Variants in ARHGAP26 observed in about 807,000 individuals in gnomAD.
The protein encoded by ARHGAP26 is Rho GTPase activating protein 26.
In ARHGAP26, 38 loss-of-function variants were observed where a neutral mutation model predicts 104.8. That is an observed-to-expected ratio of 0.36 (90% CI 0.28 to 0.48). ARHGAP26 has a LOEUF of 0.48. ARHGAP26 is among the 20% of genes least tolerant of loss of function. The probability of loss-of-function intolerance (pLI) is 0.99; values close to 1 mark genes in which losing one functional copy is unlikely to be tolerated. For synonymous variants in ARHGAP26, 341 were observed against 340.0 expected (o/e 1.00, Z -0.03); for missense variants, 704 against 947.9 (o/e 0.74, Z 3.38).
intron 11 of ARHGAP26, among the ~76,000 whole-genome samples, chr5:142,980,967 G>A (rs1200132225): frequency 6.6e-6 from 1 of 152,114 alleles, no homozygotes; most frequent in Admixed American, 6.5e-5. Flanking sequence ...CATTGTCGTT[G>A]TAGTGTCACA....
intron 11 of ARHGAP26, among the ~76,000 whole-genome samples, chr5:143,006,360 C>T (rs1777972505): frequency 7.3e-6 from 1 of 136,248 alleles, no homozygotes; most frequent in Non-Finnish European, 1.6e-5. Flanking sequence ...CTCTCTTATG[C>T]TCTCTATTTA....
At chr5:143,043,305 C>A (rs1598769959) in intron 14 of ARHGAP26, among the ~76,000 whole-genome samples, 1 of 152,214 alleles carries the variant, frequency 6.6e-6, no homozygotes, top group Middle Eastern at 3.4e-3. Flanking sequence ...CAATACAGAA[C>A]CTTTTGGGAT....
intron 1 of ARHGAP26, among the ~76,000 whole-genome samples, chr5:142,799,361 G>A (rs1464990816): frequency 6.6e-6 from 1 of 152,184 alleles, no homozygotes; most frequent in East Asian, 1.9e-4. Context: ...TTTGCGTGGT[G>A]CCTGGCACAC....
At chr5:143,051,530 G>A (rs1785026971) in intron 14 of ARHGAP26, among the ~76,000 whole-genome samples, 1 of 152,224 alleles carries the variant, frequency 6.6e-6, no homozygotes, top group African/African-American at 2.4e-5. Flanking sequence ...GATGCCATCA[G>A]GAAGCTTTTG....
intron 17 of ARHGAP26, among the ~76,000 whole-genome samples, chr5:143,081,122 A>G (rs1789751983): frequency 6.6e-6 from 1 of 152,018 alleles, no homozygotes; most frequent in Admixed American, 6.6e-5. Flanking sequence ...TGGGGTAAAG[A>G]CACCAAAAGT....
At chr5:143,208,334 G>A (rs1245456359) in intron 21 of ARHGAP26, among the ~76,000 whole-genome samples, 1 of 152,214 alleles carries the variant, frequency 6.6e-6, no homozygotes, top group African/African-American at 2.4e-5. Flanking sequence ...ATAAGCATCA[G>A]AAGCGTTTTG....
rs993676953 is a variant in ARHGAP26, at chr5:143,228,451, A to G, written c.*6005A>G. 4.6e-6 allele frequency: 1 copy of G among 219,638 alleles called. No individual in the cohort carries two copies. Among genetic ancestry groups the G allele is most frequent in the Non-Finnish European group, 9.1e-6 (1 of 109,472 alleles). The allele number at this position is 219,638 out of a possible 1,614,324, so 13.6% of individuals were successfully genotyped here. Reference sequence around the variant, plus strand: ...ATTTTAAAACTGTTCATATTTATCAAACAATTACTGTCTACAGCTACATTT... The same window carrying G: ...ATTTTAAAACTGTTCATATTTATCAGACAATTACTGTCTACAGCTACATTT... On this transcript the variant is annotated 3_prime_UTR_variant, in exon 23 of 23. Transcript: ENST00000645722.
intron 9 of ARHGAP26, among the ~76,000 whole-genome samples, chr5:142,912,095 G>C (rs1409502589): frequency 1.3e-5 from 2 of 151,898 alleles, no homozygotes; most frequent in Non-Finnish European, 2.9e-5. Flanking sequence ...AGGAGAAACA[G>C]AAACCCTAAC....
chr5:142,933,718 A>C (rs982142769), intron 11 of ARHGAP26, among the ~76,000 whole-genome samples: 4 of 152,194 alleles, frequency 2.6e-5, no homozygotes, highest in African/African-American at 9.7e-5. Flanking sequence ...CTACCTGCAA[A>C]GCAGGCTGGG....
At position 142,872,470 on chromosome 5, in the gene ARHGAP26, G is replaced by A. The variant is rs531256106; in HGVS notation, c.155-930G>A. ...TGTATGAGGGTAATTTGAATGATTA[G>A]CCTAATCTGCAGGAAGACTGCACAT... On this transcript the variant is annotated intron_variant, in intron 1 of 22. Transcript: ENST00000645722. 6.6e-5 allele frequency among the ~76,000 whole-genome samples: 10 copies of A among 152,238 alleles called. No individual in the cohort carries two copies. The South Asian group carries it at 2.1e-3, about 32-fold the overall frequency.
At chr5:143,053,571 G>A (rs962351951) in intron 14 of ARHGAP26, among the ~76,000 whole-genome samples, 4 of 152,194 alleles carry the variant, frequency 2.6e-5, no homozygotes, top group African/African-American at 9.7e-5. Context: ...TGCTACTCAG[G>A]AAGATTATAA....
Position 143,207,328 on chromosome 5 carries a change from T to C in ARHGAP26, c.2099+20T>C. The C allele has an allele frequency of 6.2e-7, 1 of 1,614,184 alleles. No homozygotes were observed. The highest frequency in any genetic ancestry group is 1.1e-5 in the South Asian group (1 of 91,082). ...CGTCAGGTCTGTTGCAGGGTTTGTTTGGTTTTCTGTTGCTGCCGTTGTTCT... is the reference window on the plus strand; with the variant it reads ...CGTCAGGTCTGTTGCAGGGTTTGTTCGGTTTTCTGTTGCTGCCGTTGTTCT... On this transcript the variant is annotated intron_variant, in intron 21 of 22. Coordinates refer to ENST00000645722, the MANE Select transcript of ARHGAP26 (RefSeq NM_001135608.3).
Position 142,770,465 on chromosome 5 carries a change from T to G in ARHGAP26, c.-297T>G, listed in dbSNP as rs1341011961. 2 of 192,170 alleles carry G rather than the reference T, an allele frequency of 1.0e-5. No individual in the cohort carries two copies. Among genetic ancestry groups the G allele is most frequent in the African/African-American group, 4.7e-5 (2 of 42,334 alleles). 11.9% of individuals were successfully genotyped at this position (192,170 alleles called of 1,614,324 possible). On this transcript the variant is annotated 5_prime_UTR_variant, in exon 1 of 23. Transcript: ENST00000645722. ...GCGAAGGAGGCGGGGAGGCGGCGTC[T>G]GCACTCGCTCGCCCGCTCGCTCGCT...
chr5:142,813,703 G>A (rs951056350), intron 1 of ARHGAP26, among the ~76,000 whole-genome samples: 1 of 152,080 alleles, frequency 6.6e-6, no homozygotes, highest in African/African-American at 2.4e-5. Context: ...TTTCTTATAA[G>A]GTCACCATAT....
chr5:143,054,457 A>C lies in ARHGAP26; in HGVS notation c.1304A>C (p.Glu435Ala), dbSNP rs1785507954. Residue 435 changes from glutamate (E) to alanine (A), a missense_variant, in exon 15 of 23, where the codon GAG (glutamate) becomes GCG (alanine). Glu to Ala is a moderately radical substitution (Grantham distance 107). Transcript: ENST00000645722. ...SVLMDPKTASETETDICAEWE... is the reference protein window; with the variant it reads ...SVLMDPKTASATETDICAEWE... ...ATTTTAGACCCCAAGACTGCTTCTGAGACAGAAACAGATATCTGTGCTGAA... is the reference window on the plus strand; with the variant it reads ...ATTTTAGACCCCAAGACTGCTTCTGCGACAGAAACAGATATCTGTGCTGAA... 2 of 1,612,642 alleles carry C rather than the reference A, an allele frequency of 1.2e-6. No individual in the cohort carries two copies. The highest frequency in any genetic ancestry group is 1.7e-4 in the Middle Eastern group (1 of 6,054).
At chr5:143,220,882 CT>C (rs1811043854) in intron 22 of ARHGAP26, among the ~76,000 whole-genome samples, 1 of 152,030 alleles carries the variant, frequency 6.6e-6, no homozygotes, top group Non-Finnish European at 1.5e-5. Context: ...GGTTTCTGTT[CT>C]TGCGTCTTTC....
At chr5:143,154,788 A>G (rs1800276569) in intron 20 of ARHGAP26, among the ~76,000 whole-genome samples, 1 of 152,246 alleles carries the variant, frequency 6.6e-6, no homozygotes, top group Non-Finnish European at 1.5e-5. Flanking sequence ...CATAGCTGTT[A>G]TTTATTGAGA....
intron 20 of ARHGAP26, among the ~76,000 whole-genome samples, chr5:143,155,328 T>C (rs1382923746): frequency 1.3e-5 from 2 of 152,274 alleles, no homozygotes; most frequent in African/African-American, 4.8e-5. Context: ...CACGTTTCCT[T>C]GACATTTTCA....
chr5:143,191,899 CGTG>C (rs1805974711), intron 20 of ARHGAP26, among the ~76,000 whole-genome samples: 1 of 152,162 alleles, frequency 6.6e-6, no homozygotes, highest in Admixed American at 6.5e-5. Flanking sequence ...GTGGAGCTGT[CGTG>C]ACAACACCAG....
Sources: allele counts gnomAD v4.1 joint callset (sites outside exome capture counted in the v4.1 genomes callset), GRCh38; gene constraint gnomAD v4.1.1; transcripts MANE v1.5; gene names NCBI Gene and HGNC (gene_info 2026-07-23, HGNC 2026-07-21).